ACSS3: variants seen among roughly 807,000 people sequenced by gnomAD.
The protein encoded by ACSS3 is acyl-CoA synthetase short-chain family member 3, mitochondrial.
Under a neutral mutation model 84.2 loss-of-function variants are expected in ACSS3, and 64 were observed. The ratio of observed to expected loss-of-function variants is 0.76; its 90% CI spans 0.62 to 0.94. The LOEUF is 0.94. Among genes scored for constraint, ACSS3 ranks in the 40% least tolerant of loss-of-function variants. The pLI, the probability that ACSS3 is intolerant of heterozygous loss-of-function variation, is 0.00. For missense variants in ACSS3, 815 were observed against 867.6 expected, an observed-to-expected ratio of 0.94 and a Z score of 0.76; for synonymous variants, 317 against 310.1, an observed-to-expected ratio of 1.02 and a Z score of -0.23.
intron 7 of ACSS3, among the ~76,000 whole-genome samples, chr12:81,169,650 T>G (rs1440428718): frequency 6.6e-6 from 1 of 152,212 alleles, no homozygotes; most frequent in Non-Finnish European, 1.5e-5. Context: ...GTACAAATGC[T>G]ATGCATACTA....
rs2033379235 is a variant in ACSS3 at position 81,229,348 on chromosome 12, A to G, written c.1515-1709A>G. Among the ~76,000 whole-genome samples the G allele has an allele frequency of 4.6e-5, 7 of 151,814 alleles. No homozygotes were observed. In the South Asian group the frequency reaches 1.4e-3, roughly 31 times the overall value. On this transcript the variant is annotated intron_variant, in intron 11 of 15. Transcript: ENST00000548058. The stretch of plus-strand genomic sequence containing the variant: ...TCACTAATGTTATCTCTCTTTGTCC[A>G]TATTGACATGTGATTTGCCACTTTT...
At chr12:81,195,691 T>G (rs1169905844) in intron 8 of ACSS3, among the ~76,000 whole-genome samples, 1 of 152,076 alleles carries the variant, frequency 6.6e-6, no homozygotes, top group Non-Finnish European at 1.5e-5. Flanking sequence ...CTCAAAGGTT[T>G]AAAGATTACC....
At chr12:81,213,957 C>CTTTCTTTCTT (rs1165408959) in intron 9 of ACSS3, among the ~76,000 whole-genome samples, 93 of 49,140 alleles carry the variant, frequency 1.9e-3, no homozygotes, top group Middle Eastern at 0.012. Flanking sequence ...CTCCCTCTCT[C>CTTTCTTTCTT]TCTTTCTTTC....
At chr12:81,201,163 G>T (rs116661815) in intron 9 of ACSS3, among the ~76,000 whole-genome samples, 1 of 152,076 alleles carries the variant, frequency 6.6e-6, no homozygotes, top group East Asian at 1.9e-4. Context: ...AACAAGTGAA[G>T]AATTATTGCA....
chr12:81,213,952 TC>T (rs1565724216), intron 9 of ACSS3, among the ~76,000 whole-genome samples: 20 of 34,232 alleles, frequency 5.8e-4, no homozygotes, highest in Non-Finnish European at 1.3e-3. Context: ...TCTCTCTCCC[TC>T]TCTCTCTTTC....
At chr12:81,118,173 C>A (rs373850605) in intron 2 of ACSS3, 3 of 152,062 alleles carry the variant, frequency 2.0e-5, no homozygotes, top group Non-Finnish European at 4.4e-5. Flanking sequence ...CACTATCCCC[C>A]CCTCCACTCA....
chr12:81,098,151 A>AGAGTGTGTGTGT (rs369995298), intron 1 of ACSS3, among the ~76,000 whole-genome samples: 43 of 129,314 alleles, frequency 3.3e-4, no homozygotes, highest in African/African-American at 5.9e-4. Flanking sequence ...AGAGAGAGAG[A>AGAGTGTGTGTGT]GTGTGTGTGT....
chr12:81,143,231 C>T lies in ACSS3; in HGVS notation c.905C>T (p.Thr302Ile). 5.0e-6 allele frequency: 8 copies of T among 1,599,332 alleles called. No homozygotes were observed. The highest frequency in any genetic ancestry group is 6.0e-6 in the Non-Finnish European group (7 of 1,170,128). The change falls in exon 5 of 16, where the codon ACA (threonine) becomes ATA (isoleucine). Residue 302 changes from threonine (T) to isoleucine (I), a missense_variant. Physicochemically the swap from Thr to Ile is moderately conservative, Grantham distance 89 (BLOSUM62 -1). Coordinates refer to ENST00000548058, the MANE Select transcript of ACSS3 (RefSeq NM_024560.4). The part of the protein sequence containing the change: ...HPLYILYTSG[T>I]TGLPKGVIRP... ...CTGTATATTCTTTACACATCTGGCA[C>T]AACGGGGTTACCTAAGGTACTCACT...
intron 7 of ACSS3, 126 bp from the exon 8 acceptor site, chr12:81,174,662 T>C: frequency 9.6e-7 from 1 of 1,042,486 alleles, no homozygotes; most frequent in Non-Finnish European, 1.3e-6. Context: ...ATGGAAATAT[T>C]TTAAAACTAA....
chr12:81,083,385 T>C (rs1881113843), intron 1 of ACSS3, among the ~76,000 whole-genome samples: 1 of 133,876 alleles, frequency 7.5e-6, no homozygotes, highest in Admixed American at 8.6e-5. Flanking sequence ...TGAGACGGAG[T>C]CTCACTCTGT....
At chr12:81,129,622 G>T (rs955787662) in intron 2 of ACSS3, among the ~76,000 whole-genome samples, 1 of 151,994 alleles carries the variant, frequency 6.6e-6, no homozygotes, top group African/African-American at 2.4e-5. Context: ...TTTCACACAA[G>T]GTCTTGAATT....
chr12:81,153,877 A>G (rs1276474557), intron 7 of ACSS3, among the ~76,000 whole-genome samples: 1 of 152,150 alleles, frequency 6.6e-6, no homozygotes, highest in African/African-American at 2.4e-5. Context: ...CTGTCTCTGA[A>G]TGCTAAGAAA....
chr12:81,131,473 AT>A (rs1885498480), intron 2 of ACSS3, among the ~76,000 whole-genome samples: 1 of 152,118 alleles, frequency 6.6e-6, no homozygotes, highest in South Asian at 2.1e-4. Context: ...TTGCACATTG[AT>A]TTTGTATCCT....
chr12:81,191,663 CT>C (rs1166151500), intron 8 of ACSS3, among the ~76,000 whole-genome samples: 42 of 152,272 alleles, frequency 2.8e-4, no homozygotes, highest in African/African-American at 9.9e-4. Flanking sequence ...ATTTTCAGAA[CT>C]TTTCCATCTC....
At chr12:81,157,295 A>T (rs1886922848) in intron 7 of ACSS3, among the ~76,000 whole-genome samples, 1 of 152,240 alleles carries the variant, frequency 6.6e-6, no homozygotes, top group Non-Finnish European at 1.5e-5. Flanking sequence ...TGTTTAATAA[A>T]TTCAACATTC....
At chr12:81,100,228 T>TTG (rs1555244032) in intron 1 of ACSS3, among the ~76,000 whole-genome samples, 2 of 150,146 alleles carry the variant, frequency 1.3e-5, no homozygotes, top group African/African-American at 4.9e-5. Context: ...TTTTTTTTTT[T>TTG]TTTTTTTTTT....
In ACSS3 at chr12:81,130,398, G is replaced by A. The variant is rs370945887; in HGVS notation, c.457-4418G>A. Among the ~76,000 whole-genome samples, 17 of 152,118 alleles carry A rather than the reference G, an allele frequency of 1.1e-4. No homozygotes were observed. In the South Asian group the frequency reaches 3.3e-3, roughly 30 times the overall value. ...CCAGTGATGATGAGCATTTTTTCAT[G>A]TGTCAGTTGGCTGCATAAATGTCTT... On this transcript the variant is annotated intron_variant, in intron 2 of 15. Coordinates refer to ENST00000548058, the MANE Select transcript of ACSS3 (RefSeq NM_024560.4).
At chr12:81,144,381 T>C (rs1306219980) in intron 5 of ACSS3, among the ~76,000 whole-genome samples, 1 of 152,206 alleles carries the variant, frequency 6.6e-6, no homozygotes, top group African/African-American at 2.4e-5. Context: ...AGCCTTATGA[T>C]TTTGTTGCAA....
At chr12:81,121,758 T>C (rs1281871961) in intron 2 of ACSS3, among the ~76,000 whole-genome samples, 2 of 152,130 alleles carry the variant, frequency 1.3e-5, no homozygotes, top group Non-Finnish European at 2.9e-5. Context: ...TTCCCTGTGA[T>C]GCCTCAATTC....
Sources: gnomAD v4.1 joint callset for allele counts (sites outside exome capture counted in the v4.1 genomes callset) on GRCh38, gnomAD v4.1.1 for gene constraint, MANE v1.5 for transcripts, NCBI Gene and HGNC (gene_info 2026-07-23, HGNC 2026-07-21) for gene names.